Variants in IGF2 observed in about 807,000 individuals in gnomAD.
IGF2 encodes insulin-like growth factor 2.
IGF2 carries 2 observed loss-of-function variants against 12.0 expected under a neutral mutation model. The ratio of observed to expected loss-of-function variants is 0.17; its 90% CI spans 0.07 to 0.52. The LOEUF (loss-of-function observed/expected upper bound fraction) is 0.52, where lower values mean the gene tolerates loss of function less well. Among genes scored for constraint, IGF2 ranks in the 20% least tolerant of loss-of-function variants. The pLI, the probability that IGF2 is intolerant of heterozygous loss-of-function variation, is 0.95. For missense variants in IGF2, 211 were observed against 268.0 expected (o/e 0.79, Z 1.48); for synonymous variants, 105 against 110.1 (o/e 0.95, Z 0.29).
chr11:2,138,534 T>G lies in IGF2; in HGVS notation c.-312A>C, dbSNP rs1208310887. Reference sequence around the variant, plus strand: ...TATCAAGGATAGAGGGGGGCAGAGATAGTGGGAGAGACAGAGTGAACGTGA... The same window carrying G: ...TATCAAGGATAGAGGGGGGCAGAGAGAGTGGGAGAGACAGAGTGAACGTGA... On this transcript the variant is annotated 5_prime_UTR_variant, in exon 1 of 4. Transcript: ENST00000416167. 3 of 568,410 alleles carry G rather than the reference T, an allele frequency of 5.3e-6. No individual in the cohort carries two copies. The African/African-American group carries it at 1.0e-4, about 19-fold the overall frequency. The allele number at this position is 568,410 out of a possible 1,614,324, so 35.2% of individuals were successfully genotyped here.
At chr11:2,141,669 A>G (rs73402002), upstream of IGF2, among the ~76,000 whole-genome samples, 2,055 of 152,290 alleles carry the variant, frequency 0.013, 43 homozygotes, top group African/African-American at 0.047. Context: ...TCTTAAGAAT[A>G]TAAGTTAGTG....
upstream of IGF2, among the ~76,000 whole-genome samples, chr11:2,145,858 C>T (rs550430417): frequency 2.0e-5 from 3 of 152,210 alleles, no homozygotes; most frequent in South Asian, 6.2e-4. Flanking sequence ...ACACCGGCTC[C>T]CCTCTAGTCA....
At chr11:2,149,068 G>A in the IGF2 span, 22 of 1,519,228 alleles carry the variant, frequency 1.4e-5, no homozygotes, top group South Asian at 4.5e-5. Flanking sequence ...GCCCACCCAC[G>A]CCTGAACACT....
Position 2,138,269 on chromosome 11 carries a change from G to T in IGF2, c.-47C>A, listed in dbSNP as rs1859239857. 1 of 985,230 alleles carries T rather than the reference G, an allele frequency of 1.0e-6. No individual in the cohort carries two copies. Among genetic ancestry groups the T allele is most frequent in the East Asian group, 1.1e-4 (1 of 8,774 alleles). The allele number at this position is 985,230 out of a possible 1,614,324, so 61.0% of individuals were successfully genotyped here. ...GCTGCCGCCCACCTCCCTGCTGCGT[G>T]TCGCAAACCGAACAGCGGGCGTTGG... On this transcript the variant is annotated 5_prime_UTR_variant, in exon 1 of 4. Coordinates refer to ENST00000416167, the MANE Select transcript of IGF2 (RefSeq NM_000612.6).
chr11:2,137,884 C>G (rs141456067), intron 1 of IGF2, among the ~76,000 whole-genome samples: 1 of 152,308 alleles, frequency 6.6e-6, no homozygotes, highest in Non-Finnish European at 1.5e-5. Flanking sequence ...ACCCCGGAGG[C>G]CAGGGCCCGC....
At position 2,138,895 on chromosome 11, in the gene IGF2, G is replaced by C; in HGVS notation, c.-673C>G. ...GGGGGGCGGAGTGGAGGCTGCACCC[G>C]GACCGCGGGCGCCCAGCTCGGTTTG... is the stretch of plus-strand genomic sequence containing the variant. On this transcript the variant is annotated 5_prime_UTR_variant, in exon 1 of 4. Coordinates refer to ENST00000416167, the MANE Select transcript of IGF2 (RefSeq NM_000612.6). 1 of 984,900 alleles carries C rather than the reference G, an allele frequency of 1.0e-6. No homozygotes were observed. The highest frequency in any genetic ancestry group is 1.2e-6 in the Non-Finnish European group (1 of 829,586). 61.0% of individuals were successfully genotyped at this position (984,900 alleles called of 1,614,324 possible).
rs1378721525 is a variant in IGF2 at position 2,130,770 on chromosome 11, C to A, written c.*2217G>T. 5.8e-6 allele frequency: 1 copy of A among 173,904 alleles called. No homozygotes were observed. Among genetic ancestry groups the A allele is most frequent in the African/African-American group, 2.6e-5 (1 of 38,862 alleles). The allele number at this position is 173,904 out of a possible 1,614,324, so 10.8% of individuals were successfully genotyped here. On this transcript the variant is annotated 3_prime_UTR_variant, in exon 4 of 4. Transcript: ENST00000416167. The stretch of plus-strand genomic sequence containing the variant: ...CTACCCCAGAACTCCCCCCGCCCAG[C>A]CCCCACTGCCCCCCACCCACCCCTC...
At chr11:2,147,486 G>A in the IGF2 span, 1 of 551,194 alleles carries the variant, frequency 1.8e-6, no homozygotes, top group Admixed American at 4.4e-5. This position sits in a 1 kb window ranked among gnomAD's most constrained non-coding sequence, Gnocchi z 7.2. Context: ...GCTTGCAGAA[G>A]GGGGAGATCC....
chr11:2,148,933 C>T, the IGF2 span: 1 of 605,236 alleles, frequency 1.7e-6, no homozygotes. This position sits in a 1 kb window ranked among gnomAD's most constrained non-coding sequence, Gnocchi z 4.3. Context: ...TCCACAATGG[C>T]CTTTCCTGCA....
chr11:2,133,636 T>A lies in IGF2; in HGVS notation c.187A>T (p.Ser63Cys). ...CAGCACTCCTCAACGATGCCACGGC[T>A]GCGACGGCTCACACGGCTTGCGGGC... Reference protein sequence around the residue: ...SRPASRVSRRSRGIVEECCFR... With the variant: ...SRPASRVSRRCRGIVEECCFR... Residue 63 changes from serine to cysteine, a missense_variant, in exon 3 of 4, where the codon AGC becomes TGC. Ser to Cys is a moderately radical substitution (Grantham distance 112). Coordinates refer to ENST00000416167, the MANE Select transcript of IGF2 (RefSeq NM_000612.6). This position sits in a 1 kb window ranked among gnomAD's most constrained non-coding sequence, Gnocchi z 8.9. 6.2e-7 allele frequency: 1 copy of A among 1,613,004 alleles called. No homozygotes were observed. The highest frequency in any genetic ancestry group is 8.5e-7 in the Non-Finnish European group (1 of 1,179,984).
chr11:2,130,495 C>T lies in IGF2; in HGVS notation c.*2492G>A, dbSNP rs566593592. 4.4e-5 allele frequency: 9 copies of T among 202,724 alleles called. No individual in the cohort carries two copies. In the South Asian group the frequency reaches 1.4e-3, roughly 31 times the overall value. 12.6% of individuals were successfully genotyped at this position (202,724 alleles called of 1,614,324 possible). On this transcript the variant is annotated 3_prime_UTR_variant, in exon 4 of 4. Transcript: ENST00000416167. ...TGGTGGTCTCCAGGCTGGCTTCGTGCGTTCTTGCTTTTGTCACTGCCCCCC... is the reference window on the plus strand; with the variant it reads ...TGGTGGTCTCCAGGCTGGCTTCGTGTGTTCTTGCTTTTGTCACTGCCCCCC...
At chr11:2,148,286 G>A in the IGF2 span, 12 of 155,634 alleles carry the variant, frequency 7.7e-5, no homozygotes, top group East Asian at 3.8e-4. This position sits in a 1 kb window ranked among gnomAD's most constrained non-coding sequence, Gnocchi z 4.3. Flanking sequence ...AGTGAGGGAC[G>A]GCGTGGCTGT....
rs1323386501 is a variant in IGF2 at position 2,131,842 on chromosome 11, CTG to C, written c.*1143_*1144del. On this transcript the variant is annotated 3_prime_UTR_variant, in exon 4 of 4. Coordinates refer to ENST00000416167, the MANE Select transcript of IGF2 (RefSeq NM_000612.6). ...TGTGCGTGTGCTGTGCGTTTGTGTG[CTG>C]TGTGCTCGTGTGTGTGCTGTGTGTG... is the stretch of plus-strand genomic sequence containing the variant. 9 of 120,180 alleles carry C rather than the reference CTG, an allele frequency of 7.5e-5. No homozygotes were observed. The highest frequency in any genetic ancestry group is 2.4e-4 in the African/African-American group (6 of 24,982). 7.4% of individuals were successfully genotyped at this position (120,180 alleles called of 1,614,324 possible). A position where few individuals can be genotyped will look rare whatever the true frequency, so the allele number is the denominator to read the frequency against.
chr11:2,145,020 C>A (rs1170406854), upstream of IGF2, among the ~76,000 whole-genome samples: 1 of 152,106 alleles, frequency 6.6e-6, no homozygotes, highest in Non-Finnish European at 1.5e-5. Flanking sequence ...CCCGCCCCCA[C>A]CATGAAAAAC....
the IGF2 span, chr11:2,147,970 T>C: frequency 4.8e-6 from 2 of 419,352 alleles, no homozygotes; most frequent in Non-Finnish European, 8.1e-6. The surrounding 1 kb of genome is among the most constrained non-coding windows in gnomAD (Gnocchi z 7.2). Flanking sequence ...GCCCCTCCCC[T>C]GCCTAGAGCT....
At chr11:2,147,677 C>G in the IGF2 span, 2 of 1,250,506 alleles carry the variant, frequency 1.6e-6, no homozygotes, top group Admixed American at 8.3e-5. The surrounding 1 kb of genome is among the most constrained non-coding windows in gnomAD (Gnocchi z 7.2). Context: ...GGACTGGGCT[C>G]TCTGGCCTGC....
At chr11:2,148,382 C>T in the IGF2 span, 1 of 152,702 alleles carries the variant, frequency 6.5e-6, no homozygotes, top group Non-Finnish European at 1.5e-5. The surrounding 1 kb of genome is among the most constrained non-coding windows in gnomAD (Gnocchi z 4.3). Context: ...CAGAGAAAAA[C>T]TTCATGCATG....
Position 2,138,365 on chromosome 11 carries a change from A to T in IGF2, c.-143T>A, listed in dbSNP as rs1324184919. 1.2e-6 allele frequency: 1 copy of T among 835,734 alleles called. No homozygotes were observed. The highest frequency in any genetic ancestry group is 1.4e-6 in the Non-Finnish European group (1 of 726,292). The allele number at this position is 835,734 out of a possible 1,614,324, so 51.8% of individuals were successfully genotyped here. A position where few individuals can be genotyped will look rare whatever the true frequency, so the allele number is the denominator to read the frequency against. On this transcript the variant is annotated 5_prime_UTR_variant, in exon 1 of 4. Coordinates refer to ENST00000416167, the MANE Select transcript of IGF2 (RefSeq NM_000612.6). ...GCGGGGGCCGAATGTGCGACGGGGC[A>T]GAGCGGGGGGATGGCTTTTTTTTGG...
Position 2,135,411 on chromosome 11 carries a change from A to G in IGF2, c.113T>C (p.Val38Ala). Residue 38 changes from valine to alanine, a missense_variant, in exon 2 of 4, where the codon GTG (valine) becomes GCG (alanine). By Grantham distance (64) the Val-to-Ala change is moderately conservative. This residue lies in a region of IGF2 where 30 missense variants were observed against 79.2 expected (regional missense o/e 0.38). Transcript: ENST00000416167. The part of the protein sequence containing the change: ...PSETLCGGEL[V>A]DTLQFVCGDR... ...CCCACAGACGAACTGGAGGGTGTCC[A>G]CCAGCTCCCCGCCGCACAGGGTCTC... 1 of 1,613,664 alleles carries G rather than the reference A, an allele frequency of 6.2e-7. No individual in the cohort carries two copies. The highest frequency in any genetic ancestry group is 8.5e-7 in the Non-Finnish European group (1 of 1,179,956).
Sources: allele counts gnomAD v4.1 joint callset (sites outside exome capture counted in the v4.1 genomes callset), GRCh38; gene constraint gnomAD v4.1.1; regional missense constraint gnomAD v4.1.1; non-coding constraint Gnocchi (gnomAD v3.1); transcripts MANE v1.5; gene names NCBI Gene and HGNC (gene_info 2026-07-23, HGNC 2026-07-21).